TSGA10: variants seen among roughly 807,000 people sequenced by gnomAD.
TSGA10 encodes the protein testis-specific gene 10 protein.
TSGA10 carries 43 observed loss-of-function variants against 96.6 expected under a neutral mutation model. That is an observed-to-expected ratio of 0.44 (90% CI 0.35 to 0.57). The LOEUF is 0.57. Among genes scored for constraint, TSGA10 ranks in the 20% least tolerant of loss-of-function variants. TSGA10 has a pLI of 0.01. For synonymous variants in TSGA10, 229 were observed against 269.9 expected, an observed-to-expected ratio of 0.85 and a Z score of 1.48; for missense variants, 703 against 834.4, an observed-to-expected ratio of 0.84 and a Z score of 1.94.
At chr2:99,068,174 G>A (rs766418349) in intron 15 of TSGA10, among the ~76,000 whole-genome samples, 5 of 152,080 alleles carry the variant, frequency 3.3e-5, no homozygotes, top group Admixed American at 1.3e-4. Context: ...GCCCTTAACA[G>A]TACTATGCAT....
At position 99,071,847 on chromosome 2, in the gene TSGA10, A is replaced by G; in HGVS notation, c.966T>C (p.Cys322=). 4 of 1,613,958 alleles carry G rather than the reference A, an allele frequency of 2.5e-6. No individual in the cohort carries two copies. The highest frequency in any genetic ancestry group is 1.1e-5 in the South Asian group (1 of 91,054). ...SRQCTEALIV[C]EQDVSRMRRQ... is the part of the protein sequence containing the mutation. ...GACGCATTCTGGAAACGTCTTGTTC[A>G]CACACAATTAGGGCCTCAGTACACT... The change falls in exon 14 of 21, where the codon TGT becomes TGC. Residue 322 remains cysteine, a synonymous_variant. Transcript: ENST00000393483.
chr2:99,070,431 C>T (rs1324892244), intron 14 of TSGA10, among the ~76,000 whole-genome samples: 2 of 151,936 alleles, frequency 1.3e-5, no homozygotes, highest in African/African-American at 4.8e-5. Flanking sequence ...GTGATTTTAT[C>T]CCACTACATT....
chr2:99,042,421 G>GGTAGCACGGAGAAGGCTGGTCAGCT (rs1348922625), intron 16 of TSGA10, among the ~76,000 whole-genome samples: 19 of 152,270 alleles, frequency 1.2e-4, no homozygotes, highest in African/African-American at 4.3e-4. Context: ...GGGCCCAGCA[G>GGTAGCACGGAGAAGGCTGGTCAGCT]GTAGCACGGA....
At chr2:99,123,704 G>A (rs1419478179) in intron 2 of TSGA10, among the ~76,000 whole-genome samples, 1 of 152,048 alleles carries the variant, frequency 6.6e-6, no homozygotes, top group African/African-American at 2.4e-5. Context: ...TCCATAATTT[G>A]CCTATTCTAG....
chr2:99,056,550 G>A (rs1405625808), intron 16 of TSGA10, among the ~76,000 whole-genome samples: 5 of 151,976 alleles, frequency 3.3e-5, no homozygotes, highest in African/African-American at 1.2e-4. Flanking sequence ...CAAAGAAATT[G>A]ATTAGCAATT....
intron 17 of TSGA10, among the ~76,000 whole-genome samples, chr2:99,030,321 T>C (rs1283296006): frequency 1.3e-5 from 2 of 151,866 alleles, no homozygotes; most frequent in South Asian, 2.1e-4. Flanking sequence ...TACTCCAGCC[T>C]GGGGGACAGA....
intron 14 of TSGA10, among the ~76,000 whole-genome samples, chr2:99,069,750 G>A (rs1038624428): frequency 6.6e-6 from 1 of 152,026 alleles, no homozygotes; most frequent in African/African-American, 2.4e-5. Flanking sequence ...TAAGGCATTT[G>A]TTACAGTGAC....
chr2:99,043,104 C>T (rs2082364691), intron 16 of TSGA10, among the ~76,000 whole-genome samples: 1 of 151,898 alleles, frequency 6.6e-6, no homozygotes, highest in Admixed American at 6.6e-5. Flanking sequence ...TGTTCAAGGA[C>T]CTAATGATGC....
At chr2:99,149,751 T>C (rs1300589574) in intron 1 of TSGA10, among the ~76,000 whole-genome samples, 1 of 148,270 alleles carries the variant, frequency 6.7e-6, no homozygotes, top group African/African-American at 2.5e-5. Flanking sequence ...CGATCATCTC[T>C]TTTTACAGAC....
intron 10 of TSGA10, among the ~76,000 whole-genome samples, chr2:99,096,688 CAT>C (rs1241880683): frequency 6.6e-5 from 10 of 152,254 alleles, no homozygotes; most frequent in South Asian, 2.1e-4. Context: ...TAAAATGTCA[CAT>C]GTTCATCACT....
chr2:99,017,232 T>C (rs1176225050), intron 20 of TSGA10, among the ~76,000 whole-genome samples: 1 of 152,170 alleles, frequency 6.6e-6, no homozygotes, highest in Non-Finnish European at 1.5e-5. Context: ...TAATTTGCAA[T>C]TGCAAAAATA....
intron 2 of TSGA10, among the ~76,000 whole-genome samples, chr2:99,121,961 ATT>A (rs775131826): frequency 5.9e-5 from 9 of 152,116 alleles, no homozygotes; most frequent in Non-Finnish European, 1.2e-4. Context: ...GAAGTGTGAG[ATT>A]TAAGTGGAGG....
At position 99,053,575 on chromosome 2, in the gene TSGA10, A is replaced by T. The variant is rs139414402; in HGVS notation, c.1404+11364T>A. 5.2e-4 allele frequency among the ~76,000 whole-genome samples: 79 copies of T among 152,288 alleles called. 4 individuals are homozygous for T. The East Asian group carries it at 0.014, about 27-fold the overall frequency. On this transcript the variant is annotated intron_variant, in intron 16 of 20. Coordinates refer to ENST00000393483, the MANE Select transcript of TSGA10 (RefSeq NM_025244.4). The stretch of plus-strand genomic sequence containing the variant: ...CAACTTCAACGTCCTTTCATAATAA[A>T]CATAAAAAAGCTCTAAAGAAACTAG...
chr2:98,999,802 G>C (rs770837901), intron 20 of TSGA10, among the ~76,000 whole-genome samples: 15 of 152,172 alleles, frequency 9.9e-5, no homozygotes, highest in Non-Finnish European at 2.1e-4. Context: ...AGGCTAGAAT[G>C]CAGTGGCATG....
At chr2:99,080,477 C>T (rs935944786) in intron 11 of TSGA10, among the ~76,000 whole-genome samples, 9 of 152,098 alleles carry the variant, frequency 5.9e-5, no homozygotes, top group South Asian at 4.1e-4. Flanking sequence ...CATTTATATG[C>T]TGATGTGTCC....
At chr2:99,098,393 C>T (rs549998711) in intron 10 of TSGA10, among the ~76,000 whole-genome samples, 15 of 142,634 alleles carry the variant, frequency 1.1e-4, no homozygotes, top group African/African-American at 3.4e-4. Context: ...GAGCCGAGAT[C>T]GCACCACTGC....
At chr2:99,108,245 T>C (rs2091517079) in intron 7 of TSGA10, among the ~76,000 whole-genome samples, 1 of 152,210 alleles carries the variant, frequency 6.6e-6, no homozygotes, top group African/African-American at 2.4e-5. Context: ...ATCATTTTTC[T>C]ATCCCTTAGA....
intron 16 of TSGA10, among the ~76,000 whole-genome samples, chr2:99,041,681 TC>T (rs1308413542): frequency 1.3e-5 from 2 of 152,186 alleles, no homozygotes; most frequent in African/African-American, 4.8e-5. Context: ...AAAAATCAAC[TC>T]AAAATGATCA....
chr2:99,076,069 A>G (rs949870677), intron 12 of TSGA10, among the ~76,000 whole-genome samples: 2 of 152,112 alleles, frequency 1.3e-5, no homozygotes, highest in African/African-American at 2.4e-5. Context: ...CTCCAAACCT[A>G]AAAGTCCAAG....
Sources: allele counts gnomAD v4.1 joint callset (sites outside exome capture counted in the v4.1 genomes callset), GRCh38; gene constraint gnomAD v4.1.1; transcripts MANE v1.5; gene names NCBI Gene and HGNC (gene_info 2026-07-23, HGNC 2026-07-21).